The following ARHGEF18 variants were observed in gnomAD, a reference collection of about 807,000 sequenced individuals.
ARHGEF18 encodes Rho/Rac guanine nucleotide exchange factor 18.
In ARHGEF18, 93 loss-of-function variants were observed where a neutral mutation model predicts 155.7. The ratio of observed to expected loss-of-function variants is 0.60; its 90% confidence interval spans 0.50 to 0.71. The LOEUF (loss-of-function observed/expected upper bound fraction) is 0.71, where lower values mean the gene tolerates loss of function less well. ARHGEF18 is among the 30% of genes least tolerant of loss of function. The pLI is 0.00. For missense variants in ARHGEF18, 1,593 were observed against 1,816.1 expected (o/e 0.88, Z 2.23); for synonymous variants, 742 against 753.1 (o/e 0.99, Z 0.24).
At chr19:7,456,283 G>C (rs758912493) in intron 17 of ARHGEF18, 44 bp from the exon 18 acceptor site, 1 of 1,595,064 alleles carries the variant, frequency 6.3e-7, no homozygotes. Context: ...AGACCTCCTG[G>C]CTATGGGACT....
intron 10 of ARHGEF18, among the ~76,000 whole-genome samples, chr19:7,418,308 G>T (rs1568315977): frequency 1.3e-5 from 2 of 152,188 alleles, no homozygotes; most frequent in South Asian, 4.2e-4. Context: ...ACCCCAGCTG[G>T]AGTGCAGTCG....
intron 26 of ARHGEF18, among the ~76,000 whole-genome samples, chr19:7,468,199 C>T (rs562637549): frequency 4.8e-5 from 7 of 147,164 alleles, no homozygotes; most frequent in South Asian, 2.2e-4. Context: ...AGACATGAGC[C>T]GTGATCATGC....
chr19:7,357,520 C>T (rs1969359701), intron 1 of ARHGEF18, among the ~76,000 whole-genome samples: 1 of 152,132 alleles, frequency 6.6e-6, no homozygotes, highest in Admixed American at 6.6e-5. Context: ...TGATGGACAG[C>T]TCCTTGGAGA....
Position 7,412,336 on chromosome 19 carries a change from C to T in ARHGEF18, c.968-28008C>T, listed in dbSNP as rs571355907. Among the ~76,000 whole-genome samples, 3 of 152,048 alleles carry T rather than the reference C, an allele frequency of 2.0e-5. No homozygotes were observed. The South Asian group carries it at 6.3e-4, about 32-fold the overall frequency. On this transcript the variant is annotated intron_variant, in intron 10 of 28. Transcript: ENST00000668164. ...GGCCTATGCTAGGGTTTTTAGGAACCACCAAGCTGTCTTCCATAGCAGCTG... is the reference window on the plus strand; with the variant it reads ...GGCCTATGCTAGGGTTTTTAGGAACTACCAAGCTGTCTTCCATAGCAGCTG...
chr19:7,421,378 G>C (rs1301044750), intron 10 of ARHGEF18, among the ~76,000 whole-genome samples: 1 of 152,132 alleles, frequency 6.6e-6, no homozygotes, highest in East Asian at 1.9e-4. Flanking sequence ...AAAACCCACA[G>C]ATTCAGAGGG....
intron 25 of ARHGEF18, 38 bp downstream of exon 25, chr19:7,467,156 T>C (rs752458957): frequency 8.9e-6 from 14 of 1,580,466 alleles, no homozygotes; most frequent in Non-Finnish European, 1.2e-5. Flanking sequence ...GCGTGCCCTT[T>C]CCTGGTTGGC....
Position 7,444,986 on chromosome 19 carries a change from T to C in ARHGEF18, c.1611+532T>C, listed in dbSNP as rs1709441435. ...AGTGGCCCCTGAGGACACACAGTTC[T>C]GGGCCCCTTACAGCGATGCCTGCAG... On this transcript the variant is annotated intron_variant, in intron 14 of 28. Transcript: ENST00000668164. This position sits in a 1 kb window ranked among gnomAD's most constrained non-coding sequence, Gnocchi z 4.7. Among the ~76,000 whole-genome samples, 1 of 152,196 alleles carries C rather than the reference T, an allele frequency of 6.6e-6. No individual in the cohort carries two copies. The highest frequency in any genetic ancestry group is 2.4e-5 in the African/African-American group (1 of 41,454).
chr19:7,399,791 A>C (rs892586426), intron 10 of ARHGEF18, among the ~76,000 whole-genome samples: 1 of 125,736 alleles, frequency 8.0e-6, no homozygotes, highest in African/African-American at 3.7e-5. Flanking sequence ...TTTTTTTTTG[A>C]GACAGAGTTT....
chr19:7,453,214 CAA>C (rs112229443), intron 16 of ARHGEF18, among the ~76,000 whole-genome samples: 5 of 150,550 alleles, frequency 3.3e-5, no homozygotes, highest in Admixed American at 6.6e-5. Context: ...CTCCCCCCCC[CAA>C]AAAAAACCTA....
At chr19:7,460,058 C>T in intron 20 of ARHGEF18, 64 bp downstream of exon 20, 1 of 1,485,750 alleles carries the variant, frequency 6.7e-7, no homozygotes. Flanking sequence ...TCCATCAGGA[C>T]TGGCCACAGA....
chr19:7,474,273 G>T (rs538736517), downstream of ARHGEF18, among the ~76,000 whole-genome samples: 94 of 151,926 alleles, frequency 6.2e-4, no homozygotes, highest in Non-Finnish European at 1.2e-3. Flanking sequence ...CGGAGGCGGA[G>T]GTTGCAGTGA....
At chr19:7,433,724 A>T (rs1461665188) in intron 10 of ARHGEF18, among the ~76,000 whole-genome samples, 2 of 151,862 alleles carry the variant, frequency 1.3e-5, no homozygotes, top group Non-Finnish European at 2.9e-5. Context: ...CACTGGAAAA[A>T]GTCTGGGGTC....
rs757808763 is a variant in ARHGEF18, at chr19:7,460,003, G to A, written c.2452+9G>A. The A allele has an allele frequency of 3.2e-6, 5 of 1,566,096 alleles. No homozygotes were observed. In the East Asian group the frequency reaches 9.5e-5, roughly 30 times the overall value. On this transcript the variant is annotated intron_variant, in intron 20 of 28. Transcript: ENST00000668164. ...ACTCCGGGACTTTCAAGGTGAGCGG[G>A]AGACAGCGTCTGGGCACACCCCTTG...
In ARHGEF18 at chr19:7,468,796, A is replaced by G. The variant is rs746538849; in HGVS notation, c.3481-29A>G. 5 of 1,506,968 alleles carry G rather than the reference A, an allele frequency of 3.3e-6. No homozygotes were observed. In the Admixed American group the frequency reaches 6.2e-5, roughly 19 times the overall value. 93.3% of individuals were successfully genotyped at this position (1,506,968 alleles called of 1,614,324 possible). A position where few individuals can be genotyped will look rare whatever the true frequency, so the allele number is the denominator to read the frequency against. ...AGAGGCCGCACAGCAGGAACCTCAC[A>G]TTGGATGTATCTGCTGTTGTCCCCT... On this transcript the variant is annotated intron_variant, in intron 26 of 28. Transcript: ENST00000668164.
chr19:7,474,042 A>G (rs1486182686), downstream of ARHGEF18, among the ~76,000 whole-genome samples: 1 of 151,802 alleles, frequency 6.6e-6, no homozygotes, highest in Non-Finnish European at 1.5e-5. Context: ...GAAATTTAAA[A>G]AAAAAAGAAA....
chr19:7,451,660 C>T lies in ARHGEF18; in HGVS notation c.1855+394C>T, dbSNP rs1975484337. Among the ~76,000 whole-genome samples the T allele has an allele frequency of 2.0e-5, 3 of 152,058 alleles. No individual in the cohort carries two copies. The South Asian group carries it at 6.2e-4, about 32-fold the overall frequency. On this transcript the variant is annotated intron_variant, in intron 16 of 28. Coordinates refer to ENST00000668164, the MANE Select transcript of ARHGEF18 (RefSeq NM_001367823.1). ...GAACTCCTGGGTTCAAGTGATCCTC[C>T]CACCTCGGTCTCTCCAAAGTGCTGG...
At chr19:7,420,737 C>T (rs1973303202) in intron 10 of ARHGEF18, among the ~76,000 whole-genome samples, 2 of 152,170 alleles carry the variant, frequency 1.3e-5, no homozygotes, top group Non-Finnish European at 2.9e-5. Flanking sequence ...TGGGAACAAA[C>T]AGTAATGGCT....
In ARHGEF18 at chr19:7,456,394, T is replaced by C. The variant is rs776189269; in HGVS notation, c.2172T>C (p.Phe724=). Reference sequence around the variant, plus strand: ...AAGAAAAAGATCAGAAATACGTCTTTGCTTCTGTGGTATGTATCCTGTCTC... The same window carrying C: ...AAGAAAAAGATCAGAAATACGTCTTCGCTTCTGTGGTATGTATCCTGTCTC... The part of the protein sequence containing the change: ...LLQEKDQKYV[F]ASVDSKPPVI... Residue 724 remains phenylalanine (F), a synonymous_variant, in exon 18 of 29, where the codon TTT becomes TTC. Transcript: ENST00000668164. 70 of 1,613,952 alleles carry C rather than the reference T, an allele frequency of 4.3e-5. No individual in the cohort carries two copies. Among genetic ancestry groups the C allele is most frequent in the Admixed American group, 1.8e-4 (11 of 59,984 alleles).
At position 7,451,180 on chromosome 19, in the gene ARHGEF18, T is replaced by G. The variant is rs188811081; in HGVS notation, c.1769T>G (p.Leu590Arg). The G allele has an allele frequency of 1.1e-4, 166 of 1,551,156 alleles. No homozygotes were observed. The East Asian group carries it at 3.7e-3, about 35-fold the overall frequency. The change falls in exon 16 of 29, where the codon CTT becomes CGT. Residue 590 changes from leucine (L) to arginine (R), a missense_variant. Leu to Arg is a moderately radical substitution (Grantham distance 102, BLOSUM62 -2). Coordinates refer to ENST00000668164, the MANE Select transcript of ARHGEF18 (RefSeq NM_001367823.1). The stretch of plus-strand genomic sequence containing the variant: ...GGCAACTTCTCCATCGTGCGGCGGC[T>G]TGGCGTGCAGGAGTGCATTCTCCTG... ...KIGNFSIVRR[L>R]GVQECILLVT...
Sources: gnomAD v4.1 joint callset for allele counts (sites outside exome capture counted in the v4.1 genomes callset) on GRCh38, gnomAD v4.1.1 for gene constraint, Gnocchi (gnomAD v3.1) non-coding constraint, MANE v1.5 for transcripts, NCBI Gene and HGNC (gene_info 2026-07-23, HGNC 2026-07-21) for gene names.